The following GRIP2 variants were observed in gnomAD, a reference collection of about 807,000 sequenced individuals.
GRIP2 encodes the protein glutamate receptor-interacting protein 2.
In GRIP2, 58 loss-of-function variants were observed where a neutral mutation model predicts 108.3. The ratio of observed to expected loss-of-function variants is 0.54; its 90% CI spans 0.43 to 0.67. GRIP2 has a LOEUF of 0.67. Ranked by LOEUF, GRIP2 falls within the 30% of genes least tolerant of loss-of-function variation. The pLI is 0.00. For missense variants in GRIP2, 1,278 were observed against 1,430.6 expected (o/e 0.89, Z 1.72); for synonymous variants, 586 against 598.2 (o/e 0.98, Z 0.30).
intron 1 of GRIP2, among the ~76,000 whole-genome samples, chr3:14,539,309 T>C (rs533119325): frequency 1.3e-5 from 2 of 152,280 alleles, no homozygotes; most frequent in African/African-American, 4.8e-5. Flanking sequence ...ATGAGTGTTA[T>C]TTTTCCTGGG....
chr3:14,534,114 T>C (rs1206702515), intron 1 of GRIP2, among the ~76,000 whole-genome samples: 1 of 152,202 alleles, frequency 6.6e-6, no homozygotes, highest in African/African-American at 2.4e-5. Context: ...CTGCAGTGTT[T>C]GCTGATGCCT....
At chr3:14,555,694 C>CA (rs1695227145) in intron 1 of GRIP2, among the ~76,000 whole-genome samples, 1 of 151,836 alleles carries the variant, frequency 6.6e-6, no homozygotes, top group Admixed American at 6.6e-5. Context: ...ATGGAGGAGA[C>CA]AGAGAAGGAA....
the GRIP2 span, among the ~76,000 whole-genome samples, chr3:14,567,972 A>T: frequency 6.6e-6 from 1 of 152,236 alleles, no homozygotes; most frequent in Non-Finnish European, 1.5e-5. Context: ...CAGATTGCTG[A>T]GCCAGGCAAA....
In GRIP2 at chr3:14,521,265, C is replaced by G. The variant is rs755776942; in HGVS notation, c.712+377G>C. 3.7e-5 allele frequency: 7 copies of G among 187,236 alleles called. No individual in the cohort carries two copies. Among genetic ancestry groups the G allele is most frequent in the Non-Finnish European group, 6.5e-5 (6 of 91,652 alleles). 11.6% of individuals were successfully genotyped at this position (187,236 alleles called of 1,614,324 possible). A position where few individuals can be genotyped will look rare whatever the true frequency, so the allele number is the denominator to read the frequency against. Reference sequence around the variant, plus strand: ...TGCTGTCCCTGGACATTCCATGCCTCGCTCATTCCCTCACTCCCCTAGTGA... The same window carrying G: ...TGCTGTCCCTGGACATTCCATGCCTGGCTCATTCCCTCACTCCCCTAGTGA... On this transcript the variant is annotated intron_variant, in intron 7 of 23. Coordinates refer to ENST00000621039, the MANE Select transcript of GRIP2 (RefSeq NM_001080423.4). This position sits in a 1 kb window ranked among gnomAD's most constrained non-coding sequence, Gnocchi z 5.1.
chr3:14,520,401 G>A lies in GRIP2; in HGVS notation c.849C>T (p.Ser283=), dbSNP rs61731940. Residue 283 remains serine, a synonymous_variant, in exon 8 of 24, where the codon AGC becomes AGT. Transcript: ENST00000621039. ...AGGGTGTGCCTTACCTGTCCACCAC[G>A]CTGGCTGGCTTGATGCGGTCGATGG... The part of the protein sequence containing the change: ...VITIDRIKPA[S]VVDRSGALHP... 5.6e-3 allele frequency: 9,017 copies of A among 1,612,018 alleles called. 406 individuals are homozygous for A. In the African/African-American group the frequency reaches 0.11, roughly 19 times the overall value.
intron 1 of GRIP2, among the ~76,000 whole-genome samples, chr3:14,534,330 T>C (rs1249964667): frequency 2.0e-5 from 3 of 152,198 alleles, no homozygotes; most frequent in African/African-American, 4.8e-5. Context: ...GGGGATTACT[T>C]TATTTATAGA....
chr3:14,564,220 C>T, the GRIP2 span, among the ~76,000 whole-genome samples: 6 of 152,254 alleles, frequency 3.9e-5, no homozygotes, highest in African/African-American at 1.4e-4. Context: ...ATATTCCTGG[C>T]ACTGCCTTTA....
At chr3:14,580,167 G>A in the GRIP2 span, among the ~76,000 whole-genome samples, 1 of 152,178 alleles carries the variant, frequency 6.6e-6, no homozygotes, top group South Asian at 2.1e-4. Flanking sequence ...CCCAGAGCAG[G>A]TGCTAAGCCA....
At chr3:14,551,826 T>C (rs1023003598) in intron 1 of GRIP2, among the ~76,000 whole-genome samples, 2 of 152,210 alleles carry the variant, frequency 1.3e-5, no homozygotes, top group Admixed American at 6.5e-5. Flanking sequence ...TTCCTAGGTG[T>C]GTGACCTTGG....
intron 22 of GRIP2, among the ~76,000 whole-genome samples, chr3:14,495,848 A>G (rs1366587504): frequency 6.6e-6 from 1 of 152,196 alleles, no homozygotes; most frequent in Non-Finnish European, 1.5e-5. Context: ...TGTGTATGAG[A>G]TATAAAATAA....
chr3:14,592,507 G>A, the GRIP2 span, among the ~76,000 whole-genome samples: 118 of 152,306 alleles, frequency 7.7e-4, 2 homozygotes, highest in South Asian at 0.022. Context: ...TGAAGAAACC[G>A]GGCTCAGAGA....
chr3:14,507,576 T>G lies in GRIP2; in HGVS notation c.2203A>C (p.Lys735Gln). 1 of 1,613,706 alleles carries G rather than the reference T, an allele frequency of 6.2e-7. No individual in the cohort carries two copies. Among genetic ancestry groups the G allele is most frequent in the Non-Finnish European group, 8.5e-7 (1 of 1,179,594 alleles). ...VAGETVTLKI[K>Q]KQLDRPLLPR... ...CGAATCTCACGGTCTAGTTGCTTCTTGATCTTCAGTGTGACGGTCTCTCCA... is the reference window on the plus strand; with the variant it reads ...CGAATCTCACGGTCTAGTTGCTTCTGGATCTTCAGTGTGACGGTCTCTCCA... Residue 735 changes from lysine (K) to glutamine (Q), a missense_variant, in exon 18 of 24, where the codon AAG becomes CAG. By Grantham distance (53) the Lys-to-Gln change is moderately conservative (BLOSUM62 1). Transcript: ENST00000621039. The surrounding 1 kb of genome is among the most constrained non-coding windows in gnomAD (Gnocchi z 4.6).
the GRIP2 span, chr3:14,574,706 C>G: frequency 3.4e-6 from 2 of 587,592 alleles, no homozygotes; most frequent in Non-Finnish European, 6.5e-6. Flanking sequence ...GACGCTGTGC[C>G]CAGCGCAAGG....
chr3:14,539,987 CT>C (rs986824842), intron 1 of GRIP2, among the ~76,000 whole-genome samples: 4 of 152,152 alleles, frequency 2.6e-5, no homozygotes, highest in African/African-American at 7.2e-5. Context: ...AGCCTTCCCC[CT>C]ACAAGGCTGA....
At chr3:14,562,417 G>C in the GRIP2 span, among the ~76,000 whole-genome samples, 3 of 152,158 alleles carry the variant, frequency 2.0e-5, no homozygotes, top group African/African-American at 7.2e-5. Flanking sequence ...AAACTGCAGT[G>C]ATCCATGTGT....
Position 14,520,158 on chromosome 3 carries a change from T to A in GRIP2, c.982A>T (p.Ile328Phe). 6.2e-7 allele frequency: 1 copy of A among 1,611,054 alleles called. No individual in the cohort carries two copies. Among genetic ancestry groups the A allele is most frequent in the Non-Finnish European group, 8.5e-7 (1 of 1,179,136 alleles). The part of the protein sequence containing the change: ...ASISEKVRLE[I>F]LPVPQSQRPL... ...CGCTGACTCTGGGGCACAGGCAGGA[T>A]CTCCAGCCGCACCTTCTCTGAAATG... The change falls in exon 9 of 24, where the codon ATC becomes TTC. Residue 328 changes from isoleucine (I) to phenylalanine (F), a missense_variant. Coordinates refer to ENST00000621039, the MANE Select transcript of GRIP2 (RefSeq NM_001080423.4).
intron 4 of GRIP2, 120 bp from the exon 5 acceptor site, chr3:14,523,818 A>AC (rs531949360): frequency 2.8e-6 from 2 of 709,220 alleles, no homozygotes; most frequent in South Asian, 3.3e-5. Context: ...GGGAGGGTAA[A>AC]CCCTTGCCCA....
the GRIP2 span, among the ~76,000 whole-genome samples, chr3:14,588,582 T>TGCCCTTCAGGACTCCCGCCG: frequency 1.3e-5 from 2 of 152,156 alleles, no homozygotes; most frequent in Admixed American, 6.5e-5. Context: ...CCCACCTGCC[T>TGCCCTTCAGGACTCCCGCCG]GCCCTTCAGG....
intron 21 of GRIP2, among the ~76,000 whole-genome samples, chr3:14,498,310 A>G (rs1333450448): frequency 1.3e-5 from 2 of 152,092 alleles, no homozygotes; most frequent in Non-Finnish European, 2.9e-5. Flanking sequence ...AAAAAATACA[A>G]TTATTAGCCA....
Sources: gnomAD v4.1 joint callset for allele counts (sites outside exome capture counted in the v4.1 genomes callset) on GRCh38, gnomAD v4.1.1 for gene constraint, Gnocchi (gnomAD v3.1) non-coding constraint, MANE v1.5 for transcripts, NCBI Gene and HGNC (gene_info 2026-07-23, HGNC 2026-07-21) for gene names.